The following ZNF407 variants were observed in gnomAD, a reference collection of about 807,000 sequenced individuals.
The protein encoded by ZNF407 is zinc finger protein 407.
ZNF407 carries 17 observed loss-of-function variants against 131.2 expected under a neutral mutation model. That is an observed-to-expected ratio of 0.13 (90% CI 0.09 to 0.19). The LOEUF (loss-of-function observed/expected upper bound fraction) is 0.19, where lower values mean the gene tolerates loss of function less well. ZNF407 is among the 10% of genes least tolerant of loss of function. ZNF407 has a pLI of 1.00. For missense variants in ZNF407, 2,681 were observed against 2,830.6 expected, an observed-to-expected ratio of 0.95 and a Z score of 1.20; for synonymous variants, 1,156 against 1,062.0, an observed-to-expected ratio of 1.09 and a Z score of -1.72.
intron 1 of ZNF407, among the ~76,000 whole-genome samples, chr18:74,621,265 G>A (rs1983498004): frequency 2.0e-5 from 3 of 152,028 alleles, no homozygotes; most frequent in Non-Finnish European, 4.4e-5. Flanking sequence ...AATTCCTTTA[G>A]GAGTTACCTA....
chr18:74,641,465 G>A (rs1354286662), intron 3 of ZNF407, among the ~76,000 whole-genome samples: 1 of 152,030 alleles, frequency 6.6e-6, no homozygotes, highest in African/African-American at 2.4e-5. Context: ...GAATGTATAT[G>A]TATTTTTTTT....
chr18:74,746,095 C>A (rs77070692), intron 3 of ZNF407, among the ~76,000 whole-genome samples: 1,577 of 152,276 alleles, frequency 0.01, 17 homozygotes, highest in Non-Finnish European at 0.014. Flanking sequence ...TGGCCTATTG[C>A]TCCTAGGCTG....
chr18:74,764,792 G>A (rs761426285), intron 3 of ZNF407, among the ~76,000 whole-genome samples: 1 of 152,106 alleles, frequency 6.6e-6, no homozygotes, highest in African/African-American at 2.4e-5. Flanking sequence ...AAGCCTTACT[G>A]ATAACATAAA....
intron 3 of ZNF407, among the ~76,000 whole-genome samples, chr18:74,776,974 C>T (rs1286791173): frequency 6.6e-6 from 1 of 152,016 alleles, no homozygotes; most frequent in African/African-American, 2.4e-5. Context: ...GAGAGGTTGG[C>T]CTTACTGTGT....
intron 8 of ZNF407, among the ~76,000 whole-genome samples, chr18:74,965,636 A>G (rs1972400970): frequency 6.6e-6 from 1 of 152,196 alleles, no homozygotes; most frequent in African/African-American, 2.4e-5. Flanking sequence ...GAGCACAGAT[A>G]TCTTTTTGAT....
intron 6 of ZNF407, among the ~76,000 whole-genome samples, chr18:74,886,986 G>A (rs904383252): frequency 6.6e-6 from 1 of 152,162 alleles, no homozygotes; most frequent in Non-Finnish European, 1.5e-5. Context: ...CTAGCCTAGT[G>A]CTTCCTTTGT....
At chr18:74,933,343 A>C (rs990524528) in intron 8 of ZNF407, among the ~76,000 whole-genome samples, 3 of 152,220 alleles carry the variant, frequency 2.0e-5, no homozygotes, top group African/African-American at 7.2e-5. Flanking sequence ...CTTACAGATG[A>C]TGTGCCTAGA....
Position 74,663,239 on chromosome 18 carries a change from G to C in ZNF407, c.4802+22117G>C, listed in dbSNP as rs989849240. 2.6e-5 allele frequency among the ~76,000 whole-genome samples: 4 copies of C among 152,184 alleles called. No homozygotes were observed. The East Asian group carries it at 7.7e-4, about 29-fold the overall frequency. ...ACGTCCATTTTAGATGCTTGTCCCC[G>C]GGTAGCTCTTATTTATGTGTACCAC... On this transcript the variant is annotated intron_variant, in intron 3 of 8. Transcript: ENST00000299687.
chr18:74,641,992 A>G (rs1462536856), intron 3 of ZNF407, among the ~76,000 whole-genome samples: 1 of 148,072 alleles, frequency 6.8e-6, no homozygotes, highest in Admixed American at 6.9e-5. Flanking sequence ...AGGCCCAATT[A>G]CATTATGCAA....
chr18:74,702,744 C>T (rs142325889), intron 3 of ZNF407, among the ~76,000 whole-genome samples: 41 of 152,116 alleles, frequency 2.7e-4, no homozygotes, highest in African/African-American at 8.0e-4. Context: ...GATATGCATA[C>T]GTATATTCAG....
At chr18:74,846,656 A>G (rs141387266) in intron 4 of ZNF407, among the ~76,000 whole-genome samples, 2 of 151,930 alleles carry the variant, frequency 1.3e-5, no homozygotes, top group East Asian at 3.9e-4. Flanking sequence ...TCTTCCTTTA[A>G]ATATTGAACA....
intron 3 of ZNF407, among the ~76,000 whole-genome samples, chr18:74,771,039 T>A (rs1969349651): frequency 6.6e-6 from 1 of 152,108 alleles, no homozygotes; most frequent in Admixed American, 6.6e-5. Context: ...TATTTTAAAT[T>A]TTAGAATGTT....
intron 7 of ZNF407, among the ~76,000 whole-genome samples, chr18:74,914,053 A>T (rs1027645541): frequency 6.6e-6 from 1 of 152,168 alleles, no homozygotes; most frequent in African/African-American, 2.4e-5. Context: ...GTTATATTCC[A>T]AAATTTGATT....
At chr18:74,786,251 G>C (rs146760609) in intron 4 of ZNF407, among the ~76,000 whole-genome samples, 1,841 of 152,124 alleles carry the variant, frequency 0.012, 19 homozygotes, top group Middle Eastern at 0.017. Flanking sequence ...GGTAAATACT[G>C]TTATCCATTT....
chr18:74,734,511 C>G (rs1456094005), intron 3 of ZNF407, among the ~76,000 whole-genome samples: 1 of 152,094 alleles, frequency 6.6e-6, no homozygotes, highest in African/African-American at 2.4e-5. Context: ...TCTATAGGTA[C>G]ATAATCTTTT....
chr18:74,911,883 A>G (rs1971677617), intron 7 of ZNF407, among the ~76,000 whole-genome samples: 1 of 152,282 alleles, frequency 6.6e-6, no homozygotes, highest in Admixed American at 6.5e-5. Flanking sequence ...GATAAGCAAA[A>G]TGGAAAGTGG....
At chr18:74,693,708 G>A (rs777554856) in intron 3 of ZNF407, among the ~76,000 whole-genome samples, 1 of 151,988 alleles carries the variant, frequency 6.6e-6, no homozygotes, top group African/African-American at 2.4e-5. Flanking sequence ...GCTTTCTTCT[G>A]TGTTCATCGT....
At chr18:74,746,267 ATGAG>A (rs1033290883) in intron 3 of ZNF407, among the ~76,000 whole-genome samples, 1 of 152,146 alleles carries the variant, frequency 6.6e-6, no homozygotes, top group Admixed American at 6.6e-5. Context: ...GTGGCTCTGG[ATGAG>A]TGAGTGGTGA....
chr18:74,796,226 T>C (rs1222278872), intron 4 of ZNF407, among the ~76,000 whole-genome samples: 2 of 152,248 alleles, frequency 1.3e-5, no homozygotes, highest in Non-Finnish European at 2.9e-5. Context: ...CATCCAAATA[T>C]TGATACATTT....
Sources: gnomAD v4.1 joint callset for allele counts (sites outside exome capture counted in the v4.1 genomes callset) on GRCh38, gnomAD v4.1.1 for gene constraint, MANE v1.5 for transcripts, NCBI Gene and HGNC (gene_info 2026-07-23, HGNC 2026-07-21) for gene names.